VSTM2B: variants seen among roughly 807,000 people sequenced by gnomAD.
The protein encoded by VSTM2B is V-set and transmembrane domain-containing protein 2B.
VSTM2B carries 24 observed loss-of-function variants against 24.0 expected under a neutral mutation model. The ratio of observed to expected loss-of-function variants is 1.00; its 90% CI spans 0.72 to 1.40. The LOEUF (loss-of-function observed/expected upper bound fraction) is 1.40. Among genes scored for constraint, VSTM2B ranks in the 40% most tolerant of loss-of-function variants. The pLI is 0.00. For missense variants in VSTM2B, 399 were observed against 416.4 expected (o/e 0.96, Z 0.36); for synonymous variants, 226 against 194.4 (o/e 1.16, Z -1.35).
intron 4 of VSTM2B, among the ~76,000 whole-genome samples, chr19:29,556,586 G>C (rs1970414676): frequency 6.8e-6 from 1 of 147,568 alleles, no homozygotes; most frequent in East Asian, 1.9e-4. Flanking sequence ...AAGAGAGGAA[G>C]TTGAACTGTT....
chr19:29,535,080 G>A (rs955635225), intron 4 of VSTM2B, among the ~76,000 whole-genome samples: 2 of 152,206 alleles, frequency 1.3e-5, no homozygotes, highest in African/African-American at 2.4e-5. Flanking sequence ...AGACATTTTG[G>A]TATTTGTGCT....
intron 4 of VSTM2B, among the ~76,000 whole-genome samples, chr19:29,543,176 G>A (rs914623515): frequency 1.3e-5 from 2 of 152,112 alleles, no homozygotes; most frequent in African/African-American, 4.8e-5. Flanking sequence ...CCCATCTCCA[G>A]GTGGGCAGAT....
intron 4 of VSTM2B, among the ~76,000 whole-genome samples, chr19:29,532,483 C>A (rs980875747): frequency 2.0e-5 from 3 of 152,212 alleles, no homozygotes; most frequent in Non-Finnish European, 2.9e-5. Flanking sequence ...GAACATCCTT[C>A]TTCCCCCTCC....
intron 3 of VSTM2B, 113 bp downstream of exon 3, chr19:29,528,575 G>A: frequency 7.5e-7 from 1 of 1,333,480 alleles, no homozygotes; most frequent in South Asian, 1.3e-5. Context: ...CGCGCAAGTA[G>A]GGCAGCGATC....
At chr19:29,536,946 C>T (rs1415865408) in intron 4 of VSTM2B, among the ~76,000 whole-genome samples, 4 of 152,210 alleles carry the variant, frequency 2.6e-5, no homozygotes, top group African/African-American at 9.7e-5. Context: ...GTGGTCTAAA[C>T]CCCTGAGCTT....
intron 4 of VSTM2B, among the ~76,000 whole-genome samples, chr19:29,562,305 A>G (rs996196484): frequency 6.6e-6 from 1 of 152,226 alleles, no homozygotes; most frequent in Non-Finnish European, 1.5e-5. Flanking sequence ...TTGGATAGGA[A>G]GGACTAAGTG....
intron 4 of VSTM2B, among the ~76,000 whole-genome samples, chr19:29,551,214 T>C (rs900563355): frequency 1.9e-4 from 29 of 152,126 alleles, no homozygotes; most frequent in African/African-American, 6.3e-4. Context: ...TCCCAGCCCA[T>C]ATGGGTATTC....
At chr19:29,544,787 C>T (rs544255190) in intron 4 of VSTM2B, among the ~76,000 whole-genome samples, 9 of 152,116 alleles carry the variant, frequency 5.9e-5, no homozygotes, top group Non-Finnish European at 2.9e-5. Flanking sequence ...GTTAAAAATG[C>T]GAGGCCACCT....
chr19:29,550,873 A>G (rs1970266450), intron 4 of VSTM2B, among the ~76,000 whole-genome samples: 1 of 151,482 alleles, frequency 6.6e-6, no homozygotes, highest in Non-Finnish European at 1.5e-5. Flanking sequence ...CTGACCCCAG[A>G]TGCAGCTCCC....
At chr19:29,554,560 C>T (rs984936713) in intron 4 of VSTM2B, among the ~76,000 whole-genome samples, 5 of 152,156 alleles carry the variant, frequency 3.3e-5, no homozygotes, top group African/African-American at 1.2e-4. Flanking sequence ...ATCAAATGCA[C>T]ACATAACAAT....
rs1599871039 is a variant in VSTM2B at position 29,526,167 on chromosome 19, A to T, written c.-417A>T. 4.6e-5 allele frequency among the ~76,000 whole-genome samples: 7 copies of T among 152,066 alleles called. No individual in the cohort carries two copies. In the East Asian group the frequency reaches 1.4e-3, roughly 30 times the overall value. On this transcript the variant is annotated 5_prime_UTR_variant, in exon 1 of 5. Transcript: ENST00000335523. This position sits in a 1 kb window ranked among gnomAD's most constrained non-coding sequence, Gnocchi z 4.1. ...GAAGGAGGTGGCAATCGGGAGCAGA[A>T]CCAGAAGGAGACAGGGAGGCAGAAG...
intron 4 of VSTM2B, among the ~76,000 whole-genome samples, chr19:29,559,606 T>C (rs928721800): frequency 6.6e-6 from 1 of 152,214 alleles, no homozygotes; most frequent in African/African-American, 2.4e-5. Context: ...ACCTTAAGTA[T>C]AATAATATTT....
At chr19:29,550,868 C>T (rs1291232092) in intron 4 of VSTM2B, among the ~76,000 whole-genome samples, 1 of 152,096 alleles carries the variant, frequency 6.6e-6, no homozygotes, top group East Asian at 1.9e-4. Flanking sequence ...AACCCCTGAC[C>T]CCAGATGCAG....
At chr19:29,553,015 G>T (rs1970322144) in intron 4 of VSTM2B, among the ~76,000 whole-genome samples, 1 of 152,176 alleles carries the variant, frequency 6.6e-6, no homozygotes, top group African/African-American at 2.4e-5. Flanking sequence ...TCACAGATCA[G>T]CAGACTTAGT....
intron 3 of VSTM2B, chr19:29,528,850 C>T (rs1439730697): frequency 3.2e-6 from 3 of 945,352 alleles, no homozygotes; most frequent in African/African-American, 3.5e-5. Flanking sequence ...CTTCCCGCCC[C>T]CTCTGCCCCG....
chr19:29,551,461 G>A (rs1322770344), intron 4 of VSTM2B, among the ~76,000 whole-genome samples: 1 of 151,856 alleles, frequency 6.6e-6, no homozygotes, highest in Non-Finnish European at 1.5e-5. Flanking sequence ...TTATGGTGGG[G>A]TGGGGGGCAG....
chr19:29,563,262 T>A (rs1300087073), intron 4 of VSTM2B, among the ~76,000 whole-genome samples: 2 of 150,592 alleles, frequency 1.3e-5, no homozygotes, highest in Middle Eastern at 3.4e-3. Flanking sequence ...TTTTTTTTTT[T>A]CTTTTTTTGA....
At chr19:29,538,492 C>T (rs554708133) in intron 4 of VSTM2B, among the ~76,000 whole-genome samples, 28 of 152,236 alleles carry the variant, frequency 1.8e-4, no homozygotes, top group Admixed American at 2.0e-4. Flanking sequence ...TTCATGAGAC[C>T]GCCCTCCCTC....
In VSTM2B at chr19:29,544,982, G is replaced by A. The variant is rs75540417; in HGVS notation, c.769+14692G>A. 7.9e-3 allele frequency among the ~76,000 whole-genome samples: 1,205 copies of A among 152,270 alleles called. 13 individuals carry two copies. The highest frequency in any genetic ancestry group is 0.027 in the African/African-American group (1,116 of 41,540). On this transcript the variant is annotated intron_variant, in intron 4 of 4. Coordinates refer to ENST00000335523, the MANE Select transcript of VSTM2B (RefSeq NM_001146339.2). ...GGTCTCCACTCTCTCAGGCACACCC[G>A]CTAGCAGAGAAGACAGGGGTCAGAC... is the stretch of plus-strand genomic sequence containing the variant.
Sources: gnomAD v4.1 joint callset for allele counts (sites outside exome capture counted in the v4.1 genomes callset) on GRCh38, gnomAD v4.1.1 for gene constraint, Gnocchi (gnomAD v3.1) non-coding constraint, MANE v1.5 for transcripts, NCBI Gene and HGNC (gene_info 2026-07-23, HGNC 2026-07-21) for gene names.